The following OTUD7B variants were observed in gnomAD, a reference collection of about 807,000 sequenced individuals.
OTUD7B encodes the protein OTU deubiquitinase 7B, also known as OTU domain-containing protein 7B.
OTUD7B carries 34 observed loss-of-function variants against 82.2 expected under a neutral mutation model. The ratio of observed to expected loss-of-function variants is 0.41; its 90% CI spans 0.31 to 0.55. OTUD7B has a LOEUF of 0.55. Among genes scored for constraint, OTUD7B ranks in the 20% least tolerant of loss-of-function variants. The pLI, the probability that OTUD7B is intolerant of heterozygous loss-of-function variation, is 0.20. For missense variants in OTUD7B, 944 were observed against 1,062.1 expected (o/e 0.89, Z 1.55); for synonymous variants, 398 against 402.7 (o/e 0.99, Z 0.14).
the OTUD7B span, among the ~76,000 whole-genome samples, chr1:150,046,269 A>G: frequency 2.6e-5 from 4 of 152,030 alleles, no homozygotes; most frequent in African/African-American, 9.7e-5. Flanking sequence ...CACTGTCACA[A>G]TCCTGAGTCC....
the OTUD7B span, among the ~76,000 whole-genome samples, chr1:150,031,968 T>C: frequency 1.2e-4 from 19 of 152,268 alleles, no homozygotes; most frequent in East Asian, 2.7e-3. Flanking sequence ...TTAAAAAGTA[T>C]TGGAACCATT....
intron 1 of OTUD7B, among the ~76,000 whole-genome samples, chr1:150,004,997 G>A (rs587734697): frequency 1.6e-4 from 25 of 152,052 alleles, no homozygotes; most frequent in African/African-American, 5.8e-4. Flanking sequence ...TGAGTAGCTG[G>A]GATTACAGGC....
chr1:149,970,747 A>G (rs1649863535), intron 3 of OTUD7B, among the ~76,000 whole-genome samples: 1 of 152,180 alleles, frequency 6.6e-6, no homozygotes, highest in Non-Finnish European at 1.5e-5. Flanking sequence ...TTAACAAATT[A>G]CCCCCCAAAG....
At chr1:150,002,321 G>A (rs1268275204) in intron 1 of OTUD7B, among the ~76,000 whole-genome samples, 1 of 152,068 alleles carries the variant, frequency 6.6e-6, no homozygotes, top group Non-Finnish European at 1.5e-5. Flanking sequence ...CTTAAAGGGA[G>A]CTTAGTGGCA....
chr1:149,997,914 G>A (rs1334502860), intron 1 of OTUD7B, among the ~76,000 whole-genome samples: 1 of 152,086 alleles, frequency 6.6e-6, no homozygotes, highest in Non-Finnish European at 1.5e-5. Flanking sequence ...TACACACCAA[G>A]TCCTACTACT....
At chr1:150,039,926 C>T in the OTUD7B span, among the ~76,000 whole-genome samples, 1 of 152,042 alleles carries the variant, frequency 6.6e-6, no homozygotes, top group Admixed American at 6.5e-5. Flanking sequence ...ACCTCTATTG[C>T]CTGTGTATAT....
At chr1:150,050,547 A>C in the OTUD7B span, 1 of 152,200 alleles carries the variant, frequency 6.6e-6, no homozygotes, top group Admixed American at 6.5e-5. Context: ...ACACCTGTTG[A>C]TTTGAATCTT....
At chr1:150,021,789 A>C in the OTUD7B span, among the ~76,000 whole-genome samples, 1 of 152,242 alleles carries the variant, frequency 6.6e-6, no homozygotes, top group African/African-American at 2.4e-5. Context: ...AAATGTGCAT[A>C]TCACCAGCAA....
intron 2 of OTUD7B, among the ~76,000 whole-genome samples, chr1:149,972,396 C>G (rs1650002363): frequency 6.6e-6 from 1 of 152,198 alleles, no homozygotes; most frequent in Non-Finnish European, 1.5e-5. Flanking sequence ...TAAGTCCACT[C>G]TCACTCTAGG....
chr1:150,055,681 C>T, the OTUD7B span, among the ~76,000 whole-genome samples: 3 of 152,174 alleles, frequency 2.0e-5, no homozygotes, highest in Admixed American at 2.0e-4. Context: ...TGTACGTATA[C>T]ACCATGGAAT....
chr1:150,015,329 T>C (rs1253825404), upstream of OTUD7B, among the ~76,000 whole-genome samples: 5 of 144,614 alleles, frequency 3.5e-5, no homozygotes, highest in Admixed American at 3.6e-4. Flanking sequence ...AGTCTGGCTC[T>C]GTCACCCAGG....
Position 149,944,920 on chromosome 1 carries a change from C to T in OTUD7B, c.1469G>A (p.Arg490Gln), listed in dbSNP as rs782550671. 5 of 1,614,188 alleles carry T rather than the reference C, an allele frequency of 3.1e-6. No homozygotes were observed. The South Asian group carries it at 4.4e-5, about 14-fold the overall frequency. ...EGGRRKEKSKRDREKDKKRAD... is the reference protein window; with the variant it reads ...EGGRRKEKSKQDREKDKKRAD... The stretch of plus-strand genomic sequence containing the variant: ...TCTCTTCTTGTCCTTCTCCCGATCT[C>T]GCTTTGACTTCTCCTTCCGCCGGCC... Residue 490 changes from arginine (R) to glutamine (Q), a missense_variant, in exon 12 of 12, where the codon CGA becomes CAA. By Grantham distance (43) the Arg-to-Gln change is conservative (BLOSUM62 1). Coordinates refer to ENST00000581312, the MANE Select transcript of OTUD7B (RefSeq NM_020205.4).
the OTUD7B span, among the ~76,000 whole-genome samples, chr1:150,025,073 C>A: frequency 1.3e-4 from 20 of 150,824 alleles, no homozygotes; most frequent in African/African-American, 4.4e-4. Flanking sequence ...ACAAAACAAA[C>A]AAAAAAACCC....
rs782469642 is a variant in OTUD7B, at chr1:149,944,348, C to A, written c.2041G>T (p.Ala681Ser). 7 of 1,613,138 alleles carry A rather than the reference C, an allele frequency of 4.3e-6. No individual in the cohort carries two copies. The East Asian group carries it at 1.3e-4, about 31-fold the overall frequency. ...AREEQPTGPP[A>S]ESRAMAFSTG... ...GAAAATGCCATTGCCCTGGACTCTG[C>A]TGGGGGACCGGTCGGCTGCTCTTCC... The change falls in exon 12 of 12, where the codon GCA becomes TCA. Residue 681 changes from alanine to serine, a missense_variant. Ala to Ser is a moderately conservative substitution (Grantham distance 99). Coordinates refer to ENST00000581312, the MANE Select transcript of OTUD7B (RefSeq NM_020205.4).
intron 1 of OTUD7B, among the ~76,000 whole-genome samples, chr1:149,996,751 A>C (rs1651950387): frequency 6.6e-6 from 1 of 152,234 alleles, no homozygotes; most frequent in East Asian, 1.9e-4. Context: ...AGTATAACTC[A>C]GGCTAGGATC....
At chr1:150,013,203 G>A (rs587773840), upstream of OTUD7B, among the ~76,000 whole-genome samples, 3 of 152,284 alleles carry the variant, frequency 2.0e-5, no homozygotes, top group Non-Finnish European at 4.4e-5. Flanking sequence ...TCTGTCCAAA[G>A]TTCTTTTCCA....
chr1:149,967,253 A>T, intron 4 of OTUD7B, 41 bp downstream of exon 4: 1 of 1,406,660 alleles, frequency 7.1e-7, no homozygotes, highest in Non-Finnish European at 1.0e-6. Context: ...CTGTAGGTGG[A>T]GAGTAGAGGG....
At chr1:150,000,916 T>C (rs1652237269) in intron 1 of OTUD7B, among the ~76,000 whole-genome samples, 2 of 151,846 alleles carry the variant, frequency 1.3e-5, no homozygotes, top group Non-Finnish European at 2.9e-5. Flanking sequence ...GAGGCAGAGG[T>C]TGCAGTGAGC....
chr1:150,059,274 T>C, the OTUD7B span, among the ~76,000 whole-genome samples: 1 of 105,436 alleles, frequency 9.5e-6, no homozygotes, highest in Non-Finnish European at 1.8e-5. Context: ...AGGCTGGTCT[T>C]GAACTCCTGA....
Sources: gnomAD v4.1 joint callset for allele counts (sites outside exome capture counted in the v4.1 genomes callset) on GRCh38, gnomAD v4.1.1 for gene constraint, MANE v1.5 for transcripts, NCBI Gene and HGNC (gene_info 2026-07-23, HGNC 2026-07-21) for gene names.